The following SHTN1 variants were observed in gnomAD, a reference collection of about 807,000 sequenced individuals.
SHTN1 encodes the protein shootin-1.
A neutral mutation model predicts 83.1 loss-of-function variants in SHTN1; 42 were observed. The observed-to-expected ratio is 0.51, with a 90% confidence interval of 0.39 to 0.65. The LOEUF (loss-of-function observed/expected upper bound fraction) is 0.65, where lower values mean the gene tolerates loss of function less well. SHTN1 is among the 30% of genes least tolerant of loss of function. SHTN1 has a pLI of 0.00. For missense variants in SHTN1, 622 were observed against 737.8 expected (o/e 0.84, Z 1.82); for synonymous variants, 224 against 247.7 (o/e 0.90, Z 0.90).
At chr10:117,020,307 C>T (rs541408799) in intron 2 of SHTN1, among the ~76,000 whole-genome samples, 247 of 150,020 alleles carry the variant, frequency 1.6e-3, no homozygotes, top group African/African-American at 5.5e-3. Flanking sequence ...CTGGCCAACA[C>T]GGTGAAACCC....
intron 1 of SHTN1, among the ~76,000 whole-genome samples, chr10:117,115,712 C>T (rs1008848172): frequency 6.6e-6 from 1 of 152,132 alleles, no homozygotes; most frequent in African/African-American, 2.4e-5. Context: ...TTTTAATGAT[C>T]CTACCATATT....
intron 2 of SHTN1, among the ~76,000 whole-genome samples, chr10:117,019,826 C>CA (rs199637675): frequency 0.22 from 26,160 of 118,018 alleles, 2,535 homozygotes; most frequent in African/African-American, 0.27. Context: ...GCCCTTGTCT[C>CA]AAAAAAAAAA....
intron 7 of SHTN1, among the ~76,000 whole-genome samples, chr10:116,946,513 A>T (rs1157101567): frequency 7.1e-6 from 1 of 140,644 alleles, no homozygotes; most frequent in Admixed American, 7.4e-5. Context: ...AAAATGATTT[A>T]TATATAAATA....
chr10:117,005,698 G>A, upstream of SHTN1: 1 of 493,842 alleles, frequency 2.0e-6, no homozygotes, highest in Non-Finnish European at 2.6e-6. Context: ...CCTTGAAGAG[G>A]AGACAAGGAT....
intron 1 of SHTN1, among the ~76,000 whole-genome samples, chr10:116,998,222 T>G (rs1231469973): frequency 6.6e-6 from 1 of 152,238 alleles, no homozygotes; most frequent in Admixed American, 6.5e-5. Context: ...TCATGAATAT[T>G]ACTTCAAATT....
chr10:116,970,605 T>C (rs959571201), intron 2 of SHTN1, among the ~76,000 whole-genome samples: 8 of 151,972 alleles, frequency 5.3e-5, no homozygotes, highest in African/African-American at 1.9e-4. Flanking sequence ...TCCCAGCTAC[T>C]TGGGAGGCTG....
At chr10:117,005,564 G>C (rs1330736639), upstream of SHTN1, 4 of 999,140 alleles carry the variant, frequency 4.0e-6, no homozygotes, top group Non-Finnish European at 3.6e-6. Flanking sequence ...CACAGAGGTA[G>C]AGCGGGACGC....
At chr10:116,959,528 C>T (rs896611479) in intron 4 of SHTN1, among the ~76,000 whole-genome samples, 1 of 152,078 alleles carries the variant, frequency 6.6e-6, no homozygotes, top group Non-Finnish European at 1.5e-5. Context: ...GGTTCAGATG[C>T]ATTTTACCCA....
At chr10:116,962,163 C>T (rs563045071) in intron 3 of SHTN1, among the ~76,000 whole-genome samples, 29 of 150,576 alleles carry the variant, frequency 1.9e-4, no homozygotes, top group East Asian at 4.0e-4. Flanking sequence ...GGCATACAAA[C>T]GGGTCCCCAT....
At position 117,023,066 on chromosome 10, in the gene SHTN1, A is replaced by C. The variant is rs146381953; in HGVS notation, c.-123+25379T>G. 6.4e-4 allele frequency among the ~76,000 whole-genome samples: 98 copies of C among 152,368 alleles called. 1 individual carries two copies. The highest frequency in any genetic ancestry group is 2.2e-3 in the African/African-American group (93 of 41,596). ...TTTGACTTAAGAATTTAATATGACA[A>C]CATTAAAAGCTCATGCTACCCCAAA... On this transcript the variant is annotated intron_variant, in intron 2 of 17. Coordinates refer to the SHTN1 transcript ENST00000392901.
rs868124323 is a variant in SHTN1, at chr10:117,101,746, C to T, written c.-189+24561G>A. The stretch of plus-strand genomic sequence containing the variant: ...AAAGAAAGAATAGCCTGTTCCCGAA[C>T]GGTTGATTCAAATCATTTAACTGTA... On this transcript the variant is annotated intron_variant, in intron 1 of 17. Transcript: ENST00000392901. Among the ~76,000 whole-genome samples, 9 of 152,228 alleles carry T rather than the reference C, an allele frequency of 5.9e-5. No homozygotes were observed. In the East Asian group the frequency reaches 9.7e-4, roughly 16 times the overall value.
intron 1 of SHTN1, among the ~76,000 whole-genome samples, chr10:116,985,362 T>TCTA (rs781491566): frequency 6.6e-6 from 1 of 152,192 alleles, no homozygotes; most frequent in Non-Finnish European, 1.5e-5. Flanking sequence ...GAAGCACCAA[T>TCTA]CTACTGACTC....
intron 1 of SHTN1, among the ~76,000 whole-genome samples, chr10:117,068,800 G>A (rs1853040864): frequency 6.6e-6 from 1 of 152,150 alleles, no homozygotes; most frequent in African/African-American, 2.4e-5. Context: ...GACATGATGG[G>A]GAAGGATAAG....
At position 116,893,576 on chromosome 10, in the gene SHTN1, G is replaced by GCGCACACACACACACACACACACACACA. The variant is rs1554905664; in HGVS notation, c.1674-7011_1674-7010insTGTGTGTGTGTGTGTGTGTGTGTGTGCG. Among the ~76,000 whole-genome samples, 379 of 123,582 alleles carry GCGCACACACACACACACACACACACACA rather than the reference G, an allele frequency of 3.1e-3. 2 individuals carry two copies. Among genetic ancestry groups the GCGCACACACACACACACACACACACACA allele is most frequent in the East Asian group, 5.2e-3 (22 of 4,200 alleles). 81.1% of individuals were successfully genotyped at this position (123,582 alleles called of 152,430 possible). On this transcript the variant is annotated intron_variant, in intron 16 of 16. Coordinates refer to ENST00000355371, the MANE Select transcript of SHTN1 (RefSeq NM_001127211.3). ...CCCCCTCCCTGATAGGCACTCATGT[G>GCGCACACACACACACACACACACACACA]CACACACACACACACACACACGAGA...
intron 1 of SHTN1, among the ~76,000 whole-genome samples, chr10:116,983,717 TACATAC>T (rs1851129593): frequency 6.6e-6 from 1 of 150,442 alleles, no homozygotes; most frequent in Non-Finnish European, 1.5e-5. Flanking sequence ...CATACATACA[TACATAC>T]ATGCATATAC....
rs188119209 is a variant in SHTN1, at chr10:117,066,063, T to C, written c.-188-17553A>G. On this transcript the variant is annotated intron_variant, in intron 1 of 17. Transcript: ENST00000392901. ...CTGGGCAACATATCAAGACCCTACCTCTAAAAAAAGAAAAGAAAAGGAAAA... is the reference window on the plus strand; with the variant it reads ...CTGGGCAACATATCAAGACCCTACCCCTAAAAAAAGAAAAGAAAAGGAAAA... Among the ~76,000 whole-genome samples, 5 of 151,718 alleles carry C rather than the reference T, an allele frequency of 3.3e-5. No homozygotes were observed. In the East Asian group the frequency reaches 9.8e-4, roughly 30 times the overall value.
intron 3 of SHTN1, among the ~76,000 whole-genome samples, chr10:116,967,723 A>G (rs1011303917): frequency 6.6e-6 from 1 of 152,230 alleles, no homozygotes; most frequent in Admixed American, 6.5e-5. Flanking sequence ...TTCCTTTTAT[A>G]TGAATTAACC....
intron 14 of SHTN1, among the ~76,000 whole-genome samples, chr10:116,907,284 G>A (rs890106959): frequency 3.9e-5 from 6 of 152,150 alleles, no homozygotes; most frequent in African/African-American, 1.4e-4. Context: ...CCAAAGAAGG[G>A]CTGCACTGAG....
At chr10:116,969,199 G>A (rs1056333993) in intron 2 of SHTN1, among the ~76,000 whole-genome samples, 2 of 152,164 alleles carry the variant, frequency 1.3e-5, no homozygotes, top group African/African-American at 4.8e-5. Flanking sequence ...GGCCGAGGCA[G>A]GCAGATCACG....
Sources: gnomAD v4.1 joint callset for allele counts (sites outside exome capture counted in the v4.1 genomes callset) on GRCh38, gnomAD v4.1.1 for gene constraint, MANE v1.5 for transcripts, NCBI Gene and HGNC (gene_info 2026-07-23, HGNC 2026-07-21) for gene names.